Variants in RSRC1 observed in about 807,000 individuals in gnomAD.
The protein encoded by RSRC1 is serine/Arginine-related protein 53.
A neutral mutation model predicts 49.1 loss-of-function variants in RSRC1; 39 were observed. The observed-to-expected ratio is 0.79, with a 90% CI of 0.61 to 1.04. The LOEUF is 1.04. RSRC1 is among the 50% of genes least tolerant of loss of function. RSRC1 has a pLI of 0.00. For missense variants in RSRC1, 388 were observed against 402.4 expected (o/e 0.96, Z 0.31); for synonymous variants, 143 against 130.8 (o/e 1.09, Z -0.63).
intron 6 of RSRC1, among the ~76,000 whole-genome samples, chr3:158,457,731 T>G (rs6763767): frequency 0.42 from 47,248 of 112,234 alleles, 9,151 homozygotes; most frequent in African/African-American, 0.6. Flanking sequence ...GTGTTTTGTG[T>G]TTTTTTTTGT....
chr3:158,278,209 A>C (rs1398582798), intron 4 of RSRC1, among the ~76,000 whole-genome samples: 1 of 152,212 alleles, frequency 6.6e-6, no homozygotes, highest in Non-Finnish European at 1.5e-5. Flanking sequence ...CACTGTTGAC[A>C]CTTCTGATTA....
intron 6 of RSRC1, among the ~76,000 whole-genome samples, chr3:158,416,053 A>G (rs898197604): frequency 1.3e-5 from 2 of 151,988 alleles, no homozygotes. Flanking sequence ...CACATACTTG[A>G]TACCTATTTT....
chr3:158,343,970 C>G (rs1372084154), intron 5 of RSRC1, among the ~76,000 whole-genome samples: 1 of 152,058 alleles, frequency 6.6e-6, no homozygotes, highest in Admixed American at 6.6e-5. Context: ...CAGTGAACCC[C>G]AAACACACAA....
intron 4 of RSRC1, among the ~76,000 whole-genome samples, chr3:158,254,681 C>T (rs1417825000): frequency 1.3e-5 from 2 of 152,148 alleles, no homozygotes; most frequent in East Asian, 3.9e-4. Flanking sequence ...ATCCACCCAC[C>T]TCGGCCTCTC....
chr3:158,259,650 CCTT>C (rs913063951), intron 4 of RSRC1, among the ~76,000 whole-genome samples: 2 of 152,144 alleles, frequency 1.3e-5, no homozygotes, highest in African/African-American at 4.8e-5. Context: ...TGGCTTGTGT[CCTT>C]CTTTTCAGGG....
intron 4 of RSRC1, among the ~76,000 whole-genome samples, chr3:158,279,149 A>G (rs1371841256): frequency 6.6e-6 from 1 of 152,216 alleles, no homozygotes; most frequent in Non-Finnish European, 1.5e-5. Flanking sequence ...AGCAATTCAT[A>G]AGGCCCTTGA....
At chr3:158,493,470 A>G (rs777882845) in intron 7 of RSRC1, among the ~76,000 whole-genome samples, 7 of 152,220 alleles carry the variant, frequency 4.6e-5, no homozygotes, top group Non-Finnish European at 1.0e-4. Context: ...TTCTAAAACA[A>G]CTTTTTGTTT....
At chr3:158,321,024 A>G (rs1458262017) in intron 5 of RSRC1, among the ~76,000 whole-genome samples, 1 of 152,156 alleles carries the variant, frequency 6.6e-6, no homozygotes, top group Non-Finnish European at 1.5e-5. Context: ...TTCTCTGTAC[A>G]GGAAAATATA....
At chr3:158,463,600 T>A (rs1368179321) in intron 7 of RSRC1, among the ~76,000 whole-genome samples, 1 of 152,146 alleles carries the variant, frequency 6.6e-6, no homozygotes, top group Non-Finnish European at 1.5e-5. Flanking sequence ...AGATAAATGT[T>A]GTCTACCCAG....
intron 1 of RSRC1, among the ~76,000 whole-genome samples, chr3:158,116,886 G>A (rs1024089956): frequency 5.9e-5 from 9 of 151,882 alleles, no homozygotes; most frequent in South Asian, 4.2e-4. Context: ...GATGTCTTTC[G>A]TATCTTCAGT....
intron 7 of RSRC1, among the ~76,000 whole-genome samples, chr3:158,463,167 CA>C (rs1378277349): frequency 6.6e-6 from 1 of 152,056 alleles, no homozygotes; most frequent in Non-Finnish European, 1.5e-5. Context: ...TTTTCTAAGA[CA>C]GGCCGTAACT....
chr3:158,314,466 T>C (rs1728307618), intron 5 of RSRC1, among the ~76,000 whole-genome samples: 1 of 152,070 alleles, frequency 6.6e-6, no homozygotes, highest in Non-Finnish European at 1.5e-5. Context: ...TTTCACATGT[T>C]AAATGAAAAT....
chr3:158,541,379 T>C (rs1373257161), intron 8 of RSRC1, among the ~76,000 whole-genome samples: 2 of 152,230 alleles, frequency 1.3e-5, no homozygotes, highest in Non-Finnish European at 2.9e-5. Flanking sequence ...GATTATGCAT[T>C]ATTTTGGAAT....
At chr3:158,305,951 T>G (rs926296896) in intron 5 of RSRC1, among the ~76,000 whole-genome samples, 1 of 152,080 alleles carries the variant, frequency 6.6e-6, no homozygotes, top group African/African-American at 2.4e-5. Flanking sequence ...ATCATTATTT[T>G]TGTAGAGAAA....
chr3:158,494,934 A>G (rs965601950), intron 7 of RSRC1, among the ~76,000 whole-genome samples: 4 of 152,206 alleles, frequency 2.6e-5, no homozygotes, highest in South Asian at 2.1e-4. Context: ...GATAAAAAAT[A>G]TAGTATAGTA....
At chr3:158,394,333 G>A (rs1254611898) in intron 6 of RSRC1, among the ~76,000 whole-genome samples, 1 of 151,980 alleles carries the variant, frequency 6.6e-6, no homozygotes, top group African/African-American at 2.4e-5. Context: ...GAAAAAAAAG[G>A]CATTCAAATA....
intron 3 of RSRC1, among the ~76,000 whole-genome samples, chr3:158,170,650 G>T (rs1718828665): frequency 6.6e-6 from 1 of 152,134 alleles, no homozygotes; most frequent in Non-Finnish European, 1.5e-5. Context: ...ATTTGACTCA[G>T]AGTAGTCCCA....
At chr3:158,311,337 A>G (rs1354793582) in intron 5 of RSRC1, among the ~76,000 whole-genome samples, 1 of 151,902 alleles carries the variant, frequency 6.6e-6, no homozygotes, top group Non-Finnish European at 1.5e-5. Flanking sequence ...CATTTATTGG[A>G]TGAATATTTT....
At chr3:158,276,683 A>G (rs146975720) in intron 4 of RSRC1, among the ~76,000 whole-genome samples, 1 of 152,216 alleles carries the variant, frequency 6.6e-6, no homozygotes, top group East Asian at 1.9e-4. Flanking sequence ...TTAATACAAT[A>G]TTACCTTTTT....
Sources: allele counts gnomAD v4.1 joint callset (sites outside exome capture counted in the v4.1 genomes callset), GRCh38; gene constraint gnomAD v4.1.1; transcripts MANE v1.5; gene names NCBI Gene and HGNC (gene_info 2026-07-23, HGNC 2026-07-21).